CCDC149: variants seen among roughly 807,000 people sequenced by gnomAD.
CCDC149 encodes coiled-coil domain containing 149.
CCDC149 carries 45 observed loss-of-function variants against 59.9 expected under a neutral mutation model. The ratio of observed to expected loss-of-function variants is 0.75; its 90% CI spans 0.59 to 0.96. The LOEUF (loss-of-function observed/expected upper bound fraction) is 0.96, where lower values mean the gene tolerates loss of function less well. Ranked by LOEUF, CCDC149 falls within the 40% of genes least tolerant of loss-of-function variation. The pLI is 0.00. For missense variants in CCDC149, 584 were observed against 664.7 expected, an observed-to-expected ratio of 0.88 and a Z score of 1.33; for synonymous variants, 245 against 260.6, an observed-to-expected ratio of 0.94 and a Z score of 0.58.
intron 3 of CCDC149, among the ~76,000 whole-genome samples, chr4:24,860,589 T>C (rs1718314284): frequency 1.3e-5 from 2 of 151,940 alleles, no homozygotes; most frequent in African/African-American, 4.8e-5. Flanking sequence ...CAAAGATAAA[T>C]AGATGGGACT....
rs1163346136 is a variant in CCDC149 at position 24,853,069 on chromosome 4, T to G, written c.372+3A>C. 6.3e-7 allele frequency: 1 copy of G among 1,590,190 alleles called. No individual in the cohort carries two copies. Among genetic ancestry groups the G allele is most frequent in the Admixed American group, 1.7e-5 (1 of 59,946 alleles). On this transcript the variant is annotated splice_donor_region_variant and intron_variant, in intron 4 of 12. Coordinates refer to ENST00000635206, the MANE Select transcript of CCDC149 (RefSeq NM_001330643.2). ...GCTTCTTCCCTGTAAATACTCACAG[T>G]ACCTTGTTGTCGCCCTGGACTTCTC... is the stretch of plus-strand genomic sequence containing the variant.
chr4:24,935,637 A>G (rs1560261819), intron 1 of CCDC149, among the ~76,000 whole-genome samples: 3 of 152,152 alleles, frequency 2.0e-5, no homozygotes, highest in Admixed American at 6.5e-5. Context: ...TATGAACCAG[A>G]GAGCAAGCCC....
At chr4:24,873,594 G>A in intron 3 of CCDC149, 87 bp downstream of exon 3, 2 of 890,406 alleles carry the variant, frequency 2.2e-6, no homozygotes, top group Non-Finnish European at 3.7e-6. Flanking sequence ...GAAATTAAAG[G>A]AAGTTCTCTA....
chr4:24,899,792 A>C (rs559802641), intron 1 of CCDC149, among the ~76,000 whole-genome samples: 34 of 152,264 alleles, frequency 2.2e-4, no homozygotes, highest in African/African-American at 7.9e-4. Context: ...AATGAATGCC[A>C]TACTTGGGTA....
At chr4:24,877,789 CT>C (rs2109251706) in intron 1 of CCDC149, among the ~76,000 whole-genome samples, 1 of 152,300 alleles carries the variant, frequency 6.6e-6, no homozygotes, top group African/African-American at 2.4e-5. Context: ...ATCCTTCCCT[CT>C]GCTCACTCTC....
downstream of CCDC149, among the ~76,000 whole-genome samples, chr4:24,803,621 G>A (rs1026990939): frequency 1.3e-5 from 2 of 152,096 alleles, no homozygotes; most frequent in Admixed American, 1.3e-4. The surrounding 1 kb of genome is among the most constrained non-coding windows in gnomAD (Gnocchi z 4.3). Context: ...ATGAATAGAA[G>A]GTACTTTTTC....
At chr4:24,825,872 T>C (rs747189576) in intron 9 of CCDC149, among the ~76,000 whole-genome samples, 9 of 151,972 alleles carry the variant, frequency 5.9e-5, no homozygotes, top group East Asian at 1.9e-4. Context: ...ACCCAGACCA[T>C]GAATGACCTA....
At chr4:24,880,825 A>G (rs79954044) in intron 1 of CCDC149, among the ~76,000 whole-genome samples, 2,151 of 152,318 alleles carry the variant, frequency 0.014, 38 homozygotes, top group Middle Eastern at 0.038. Context: ...TACCTTGGGA[A>G]AGCCATAATA....
At chr4:24,896,022 G>A (rs1720827095) in intron 1 of CCDC149, among the ~76,000 whole-genome samples, 1 of 152,224 alleles carries the variant, frequency 6.6e-6, no homozygotes, top group Non-Finnish European at 1.5e-5. Context: ...CCTCTTGTCT[G>A]GAAGTGAGCA....
chr4:24,868,464 C>A (rs1273276711), intron 3 of CCDC149, among the ~76,000 whole-genome samples: 1 of 152,146 alleles, frequency 6.6e-6, no homozygotes, highest in Non-Finnish European at 1.5e-5. Flanking sequence ...AGTCAGAATT[C>A]CCTCCCTAAT....
chr4:24,931,823 G>C (rs1230388260), intron 1 of CCDC149, among the ~76,000 whole-genome samples: 1 of 7,744 alleles, frequency 1.3e-4, no homozygotes, highest in Non-Finnish European at 2.4e-4. Context: ...ATTGTATGGA[G>C]AGTATGTATA....
rs1453710123 is a variant in CCDC149, at chr4:24,863,284, G to A, written c.265-10105C>T. On this transcript the variant is annotated intron_variant, in intron 3 of 12. Coordinates refer to ENST00000635206, the MANE Select transcript of CCDC149 (RefSeq NM_001330643.2). ...TCCAGCCTGGGCGACAGAGCAAGAC[G>A]TCACCTCAAAAACACAAAACAAAAC... 9.9e-5 allele frequency among the ~76,000 whole-genome samples: 15 copies of A among 152,190 alleles called. No individual in the cohort carries two copies. The East Asian group carries it at 1.5e-3, about 16-fold the overall frequency.
intron 1 of CCDC149, among the ~76,000 whole-genome samples, chr4:24,938,077 TGGGTGGAGTAGTTTAATCAG>T (rs1722834741): frequency 6.6e-6 from 1 of 152,138 alleles, no homozygotes; most frequent in Non-Finnish European, 1.5e-5. Context: ...TCTCTGTTGA[TGGGTGGAGTAGTTTAATCAG>T]GGTGAAATTA....
At chr4:24,972,580 T>C (rs756466585) in intron 1 of CCDC149, among the ~76,000 whole-genome samples, 1 of 152,112 alleles carries the variant, frequency 6.6e-6, no homozygotes, top group Non-Finnish European at 1.5e-5. Flanking sequence ...ATGCTAGAAT[T>C]ACAGACACGA....
chr4:24,950,133 A>G (rs1158088436), intron 1 of CCDC149, among the ~76,000 whole-genome samples: 2 of 152,204 alleles, frequency 1.3e-5, no homozygotes, highest in African/African-American at 4.8e-5. Context: ...CAGCCTTGAC[A>G]TTCCTCAGCC....
At chr4:24,936,993 C>T (rs951779397) in intron 1 of CCDC149, among the ~76,000 whole-genome samples, 10 of 152,152 alleles carry the variant, frequency 6.6e-5, no homozygotes, top group African/African-American at 1.4e-4. Flanking sequence ...TGCAGTGGGC[C>T]GTGCCCATGG....
intron 1 of CCDC149, among the ~76,000 whole-genome samples, chr4:24,888,930 GA>G (rs1720360123): frequency 6.7e-6 from 1 of 148,718 alleles, no homozygotes; most frequent in South Asian, 2.1e-4. Context: ...TTTTTTTTAT[GA>G]TCTATCTTTC....
rs762626313 is a variant in CCDC149, at chr4:24,837,449, C to T, written c.490-49G>A. 58 of 1,589,528 alleles carry T rather than the reference C, an allele frequency of 3.6e-5. 1 individual carries two copies. The highest frequency in any genetic ancestry group is 4.6e-5 in the Non-Finnish European group (53 of 1,162,620). On this transcript the variant is annotated intron_variant, in intron 5 of 12. Transcript: ENST00000635206. The surrounding 1 kb of genome is among the most constrained non-coding windows in gnomAD (Gnocchi z 4.3). Reference sequence around the variant, plus strand: ...ACTCAAGATGTTCCTCAGGCTCCAGCTTTATGGCCAGAGATGGAGCCTCCC... The same window carrying T: ...ACTCAAGATGTTCCTCAGGCTCCAGTTTTATGGCCAGAGATGGAGCCTCCC...
chr4:24,926,986 C>A (rs1722450547), intron 1 of CCDC149, among the ~76,000 whole-genome samples: 1 of 152,150 alleles, frequency 6.6e-6, no homozygotes, highest in Non-Finnish European at 1.5e-5. Context: ...GTGGACTAAG[C>A]AGAAGTGGCA....
Sources: gnomAD v4.1 joint callset for allele counts (sites outside exome capture counted in the v4.1 genomes callset) on GRCh38, gnomAD v4.1.1 for gene constraint, Gnocchi (gnomAD v3.1) non-coding constraint, MANE v1.5 for transcripts, NCBI Gene and HGNC (gene_info 2026-07-23, HGNC 2026-07-21) for gene names.